Variants in DAB1 observed in about 807,000 individuals in gnomAD.
The protein encoded by DAB1 is disabled homolog 1.
In DAB1, 15 loss-of-function variants were observed where a neutral mutation model predicts 64.6. The observed-to-expected ratio is 0.23, with a 90% CI of 0.16 to 0.36. The LOEUF is 0.36. Ranked by LOEUF, DAB1 falls within the 10% of genes least tolerant of loss-of-function variation. The probability of loss-of-function intolerance (pLI) is 1.00; values close to 1 mark genes in which losing one functional copy is unlikely to be tolerated. For synonymous variants in DAB1, 235 were observed against 251.9 expected, an observed-to-expected ratio of 0.93 and a Z score of 0.64; for missense variants, 596 against 706.7, an observed-to-expected ratio of 0.84 and a Z score of 1.78.
chr1:58,111,717 T>C (rs1408394250), intron 5 of DAB1, among the ~76,000 whole-genome samples: 4 of 152,140 alleles, frequency 2.6e-5, no homozygotes, highest in Admixed American at 2.6e-4. Flanking sequence ...CCATCCTAGA[T>C]CTATCCACTT....
intron 2 of DAB1, among the ~76,000 whole-genome samples, chr1:57,260,330 A>T (rs1200507659): frequency 6.6e-6 from 1 of 152,206 alleles, no homozygotes; most frequent in Non-Finnish European, 1.5e-5. Context: ...AGTGTCAGGC[A>T]GTAAAGTCAG....
chr1:57,858,121 T>A (rs969409140), intron 1 of DAB1, among the ~76,000 whole-genome samples: 3 of 152,122 alleles, frequency 2.0e-5, no homozygotes, highest in African/African-American at 7.2e-5. Flanking sequence ...GTTGAATGGG[T>A]TCCTTCTGTG....
intron 1 of DAB1, among the ~76,000 whole-genome samples, chr1:57,410,500 T>C (rs185495227): frequency 8.0e-4 from 122 of 152,298 alleles, no homozygotes; most frequent in African/African-American, 2.8e-3. Flanking sequence ...GACACATACC[T>C]TGGAAAGGCA....
At chr1:57,027,052 A>T (rs1429694297) in intron 9 of DAB1, among the ~76,000 whole-genome samples, 1 of 152,178 alleles carries the variant, frequency 6.6e-6, no homozygotes, top group Non-Finnish European at 1.5e-5. Context: ...AAGGGATGTG[A>T]AGAGTCCGAC....
chr1:57,226,204 T>C (rs1667245907), intron 2 of DAB1, among the ~76,000 whole-genome samples: 1 of 152,208 alleles, frequency 6.6e-6, no homozygotes, highest in Non-Finnish European at 1.5e-5. Flanking sequence ...CATGATGTAA[T>C]CTCTTAAATG....
chr1:58,416,809 T>C (rs1264127751), intron 3 of DAB1, among the ~76,000 whole-genome samples: 4 of 152,158 alleles, frequency 2.6e-5, no homozygotes, highest in African/African-American at 4.8e-5. Context: ...AATCCTATTA[T>C]GAAGACCCTA....
intron 2 of DAB1, among the ~76,000 whole-genome samples, chr1:57,232,492 G>T (rs1667758915): frequency 6.6e-6 from 1 of 151,968 alleles, no homozygotes; most frequent in South Asian, 2.1e-4. Context: ...CAAGAGAGAT[G>T]GTTCCTCCTG....
At chr1:57,273,516 AGCCTGACT>A (rs1307452938) in intron 2 of DAB1, among the ~76,000 whole-genome samples, 1,436 of 138,170 alleles carry the variant, frequency 0.01, 50 homozygotes, top group African/African-American at 0.033. Flanking sequence ...GCATCCACCA[AGCCTGACT>A]GCCTGCCTGC....
rs141583492 is a variant in DAB1, at chr1:57,018,294, A to G, written c.896-2863T>C. Among the ~76,000 whole-genome samples, 973 of 152,236 alleles carry G rather than the reference A, an allele frequency of 6.4e-3. 8 individuals are homozygous for G. The highest frequency in any genetic ancestry group is 9.5e-3 in the Non-Finnish European group (648 of 68,022). The stretch of plus-strand genomic sequence containing the variant: ...CTTCTCATGGTGGTGTAGCCACATG[A>G]CACTTCTGTATTAGCCTGGACTTAC... On this transcript the variant is annotated intron_variant, in intron 11 of 14. Transcript: ENST00000371236.
intron 11 of DAB1, 71 bp from the exon 12 acceptor site, chr1:57,015,502 T>C: frequency 7.2e-7 from 1 of 1,380,700 alleles, no homozygotes; most frequent in Non-Finnish European, 9.8e-7. Flanking sequence ...TGGACTCAGG[T>C]AATTGACAGA....
intron 5 of DAB1, among the ~76,000 whole-genome samples, chr1:58,067,318 G>A (rs1648916358): frequency 6.6e-6 from 1 of 152,228 alleles, no homozygotes; most frequent in South Asian, 2.1e-4. Flanking sequence ...CTAATGCTGT[G>A]GAATGCAAGA....
chr1:57,719,370 G>A (rs12030998), intron 6 of DAB1, among the ~76,000 whole-genome samples: 15,065 of 152,220 alleles, frequency 0.099, 975 homozygotes, highest in Non-Finnish European at 0.13. Context: ...GAAGCCATAA[G>A]CCAGAGGGAG....
At chr1:57,252,113 A>G (rs1669387481) in intron 2 of DAB1, among the ~76,000 whole-genome samples, 1 of 152,276 alleles carries the variant, frequency 6.6e-6, no homozygotes, top group Non-Finnish European at 1.5e-5. Context: ...TTAAAAGAGT[A>G]GATTTAAGAA....
intron 5 of DAB1, among the ~76,000 whole-genome samples, chr1:57,896,382 A>G (rs1309502753): frequency 2.6e-5 from 4 of 152,028 alleles, no homozygotes; most frequent in Admixed American, 1.3e-4. Context: ...TGTCAACTTG[A>G]CAATGAACAT....
At chr1:57,488,477 G>A (rs1395699615) in intron 7 of DAB1, among the ~76,000 whole-genome samples, 1 of 150,746 alleles carries the variant, frequency 6.6e-6, no homozygotes, top group African/African-American at 2.4e-5. Context: ...AGGAGTTTGA[G>A]ACCAGCCTGA....
chr1:58,096,041 C>A (rs1327454073), intron 5 of DAB1, among the ~76,000 whole-genome samples: 1 of 152,148 alleles, frequency 6.6e-6, no homozygotes, highest in East Asian at 1.9e-4. Flanking sequence ...GGTGTATTTG[C>A]GACCCTAACC....
At chr1:57,906,912 C>G (rs760933951) in intron 5 of DAB1, among the ~76,000 whole-genome samples, 4 of 150,898 alleles carry the variant, frequency 2.7e-5, no homozygotes, top group Admixed American at 6.6e-5. Flanking sequence ...AGCAGACACA[C>G]ATATAAAAAT....
intron 7 of DAB1, among the ~76,000 whole-genome samples, chr1:57,529,414 C>A (rs1644634860): frequency 1.3e-5 from 2 of 151,982 alleles, no homozygotes; most frequent in Admixed American, 6.6e-5. Flanking sequence ...AGACTAAATA[C>A]CATGTAAAAA....
chr1:57,018,411 TA>T (rs1479258879), intron 11 of DAB1, among the ~76,000 whole-genome samples: 1 of 152,218 alleles, frequency 6.6e-6, no homozygotes. Context: ...TTTCCTTATT[TA>T]AATACATATA....
Sources: gnomAD v4.1 joint callset for allele counts (sites outside exome capture counted in the v4.1 genomes callset) on GRCh38, gnomAD v4.1.1 for gene constraint, MANE v1.5 for transcripts, NCBI Gene and HGNC (gene_info 2026-07-23, HGNC 2026-07-21) for gene names.